The following AKT3 variants were observed in gnomAD, a reference collection of about 807,000 sequenced individuals.
The protein encoded by AKT3 is AKT serine/threonine kinase 3, also known as RAC-gamma serine/threonine-protein kinase.
AKT3 carries 15 observed loss-of-function variants against 65.3 expected under a neutral mutation model. The ratio of observed to expected loss-of-function variants is 0.23; its 90% CI spans 0.15 to 0.35. The LOEUF is 0.35. Ranked by LOEUF, AKT3 falls within the 10% of genes least tolerant of loss-of-function variation. AKT3 has a pLI of 1.00. For synonymous variants in AKT3, 206 were observed against 183.8 expected (o/e 1.12, Z -0.98); for missense variants, 243 against 576.5 (o/e 0.42, Z 5.92).
chr1:243,686,424 C>A (rs934865501), intron 3 of AKT3, among the ~76,000 whole-genome samples: 2 of 151,366 alleles, frequency 1.3e-5, no homozygotes, highest in African/African-American at 4.9e-5. Context: ...AGTATTTGGC[C>A]TCAACTGCAA....
At chr1:243,616,521 A>G (rs1395203499) in intron 6 of AKT3, among the ~76,000 whole-genome samples, 7 of 152,140 alleles carry the variant, frequency 4.6e-5, no homozygotes, top group Non-Finnish European at 1.0e-4. Flanking sequence ...ACACTATCTT[A>G]AAGAAGAAAC....
intron 2 of AKT3, among the ~76,000 whole-genome samples, chr1:243,748,528 C>G (rs1350419971): frequency 6.6e-6 from 1 of 151,980 alleles, no homozygotes; most frequent in African/African-American, 2.4e-5. Context: ...AAAACCAGAA[C>G]CAATTCAGCA....
chr1:243,770,521 T>C (rs1690112777), intron 2 of AKT3, among the ~76,000 whole-genome samples: 1 of 152,104 alleles, frequency 6.6e-6, no homozygotes, highest in African/African-American at 2.4e-5. Flanking sequence ...TGGGAGAAGC[T>C]GCATGTATAT....
intron 2 of AKT3, among the ~76,000 whole-genome samples, chr1:243,765,222 CAA>C (rs1193768457): frequency 1.3e-5 from 2 of 151,798 alleles, no homozygotes; most frequent in African/African-American, 4.8e-5. Flanking sequence ...TAAAAAGAAA[CAA>C]GAGGACTTGT....
chr1:243,717,224 A>C (rs897153223), intron 2 of AKT3, among the ~76,000 whole-genome samples: 1 of 152,236 alleles, frequency 6.6e-6, no homozygotes, highest in Admixed American at 6.5e-5. Context: ...AGAAATGTTT[A>C]AGTAACTTCC....
At chr1:243,640,984 AC>A (rs1445809922) in intron 5 of AKT3, among the ~76,000 whole-genome samples, 1 of 151,932 alleles carries the variant, frequency 6.6e-6, no homozygotes, top group Non-Finnish European at 1.5e-5. Flanking sequence ...AGGCATACCC[AC>A]CCTTAAGCCG....
At chr1:243,509,093 T>A (rs1244807280) in intron 13 of AKT3, among the ~76,000 whole-genome samples, 1 of 152,228 alleles carries the variant, frequency 6.6e-6, no homozygotes, top group South Asian at 2.1e-4. Flanking sequence ...CCTATTATCA[T>A]TTAAAGACAC....
intron 6 of AKT3, among the ~76,000 whole-genome samples, chr1:243,615,422 ATCAG>A (rs1678223990): frequency 6.6e-6 from 1 of 152,156 alleles, no homozygotes; most frequent in African/African-American, 2.4e-5. Context: ...TGATACAAAA[ATCAG>A]TCAGAAAATT....
chr1:243,777,251 C>T lies in AKT3; in HGVS notation c.46+65874G>A, dbSNP rs1312725265. Among the ~76,000 whole-genome samples the T allele has an allele frequency of 2.6e-5, 4 of 152,150 alleles. No homozygotes were observed. In the East Asian group the frequency reaches 5.8e-4, roughly 22 times the overall value. On this transcript the variant is annotated intron_variant, in intron 2 of 13. Coordinates refer to ENST00000673466, the MANE Select transcript of AKT3 (RefSeq NM_005465.7). ...AGGAGAGTGCAACCTAGATCTGTCA[C>T]GTGCACAGTTCACAATAGGGTTTGC...
At chr1:243,707,757 T>C (rs940167357) in intron 2 of AKT3, among the ~76,000 whole-genome samples, 2 of 152,122 alleles carry the variant, frequency 1.3e-5, no homozygotes, top group Admixed American at 1.3e-4. Context: ...ATCCCCAATA[T>C]TCTGAATTCA....
intron 11 of AKT3, among the ~76,000 whole-genome samples, chr1:243,549,722 G>A (rs750252890): frequency 1.3e-5 from 2 of 151,936 alleles, no homozygotes; most frequent in Non-Finnish European, 2.9e-5. Flanking sequence ...ACTGTGCCTG[G>A]CCCCATAAAC....
Position 243,647,771 on chromosome 1 carries a change from A to G in AKT3, c.285-1734T>C, listed in dbSNP as rs1403303600. 2.0e-5 allele frequency among the ~76,000 whole-genome samples: 3 copies of G among 152,168 alleles called. No homozygotes were observed. The East Asian group carries it at 5.8e-4, about 29-fold the overall frequency. The stretch of plus-strand genomic sequence containing the variant: ...TTCTTGCTTTATTGCCCTAGATCAG[A>G]CCTGCAGTACAAAGTTAAATGAAAG... On this transcript the variant is annotated intron_variant, in intron 4 of 13. Coordinates refer to ENST00000673466, the MANE Select transcript of AKT3 (RefSeq NM_005465.7).
At chr1:243,550,359 G>A (rs1377668876) in intron 11 of AKT3, among the ~76,000 whole-genome samples, 1 of 152,054 alleles carries the variant, frequency 6.6e-6, no homozygotes, top group Admixed American at 6.6e-5. Flanking sequence ...AAACAGTTAG[G>A]AATTGTTCTA....
intron 8 of AKT3, among the ~76,000 whole-genome samples, chr1:243,588,809 A>G (rs898161860): frequency 1.3e-5 from 2 of 151,966 alleles, no homozygotes; most frequent in Admixed American, 6.6e-5. Flanking sequence ...TACCAAAAAA[A>G]CCTCCTTGAT....
chr1:243,535,517 T>A (rs1258376346), intron 12 of AKT3, among the ~76,000 whole-genome samples: 1 of 152,214 alleles, frequency 6.6e-6, no homozygotes, highest in African/African-American at 2.4e-5. Flanking sequence ...GATAATGGCC[T>A]TCAGTTCCAT....
At position 243,503,122 on chromosome 1, in the gene AKT3, G is replaced by A. The variant is rs957290949; in HGVS notation, c.*2127C>T. 4.3e-6 allele frequency: 1 copy of A among 233,410 alleles called. No homozygotes were observed. The highest frequency in any genetic ancestry group is 2.2e-5 in the African/African-American group (1 of 45,294). 14.5% of individuals were successfully genotyped at this position (233,410 alleles called of 1,614,324 possible). A position where few individuals can be genotyped will look rare whatever the true frequency, so the allele number is the denominator to read the frequency against. On this transcript the variant is annotated 3_prime_UTR_variant, in exon 14 of 14. Coordinates refer to ENST00000673466, the MANE Select transcript of AKT3 (RefSeq NM_005465.7). The stretch of plus-strand genomic sequence containing the variant: ...AAGTGAAAAAAAAAAGATTAGCTAT[G>A]TGTGTAAGTAAGAATGAACTACCAT...
intron 12 of AKT3, among the ~76,000 whole-genome samples, chr1:243,543,303 A>T (rs921724095): frequency 1.3e-5 from 2 of 152,138 alleles, no homozygotes; most frequent in African/African-American, 4.8e-5. Flanking sequence ...CTCTTATTCA[A>T]CATGAATAGC....
chr1:243,626,476 G>GA (rs1299835191), intron 6 of AKT3, among the ~76,000 whole-genome samples: 1 of 152,120 alleles, frequency 6.6e-6, no homozygotes, highest in Non-Finnish European at 1.5e-5. Flanking sequence ...ACCAAGCTGG[G>GA]AAGCAAAAAT....
At chr1:243,833,534 C>T (rs555332591) in intron 2 of AKT3, among the ~76,000 whole-genome samples, 4 of 152,136 alleles carry the variant, frequency 2.6e-5, no homozygotes, top group African/African-American at 9.6e-5. Context: ...CCTGGTCTCT[C>T]CCTTGACACG....
Sources: gnomAD v4.1 joint callset for allele counts (sites outside exome capture counted in the v4.1 genomes callset) on GRCh38, gnomAD v4.1.1 for gene constraint, MANE v1.5 for transcripts, NCBI Gene and HGNC (gene_info 2026-07-23, HGNC 2026-07-21) for gene names.